Variants in SIM1 observed in about 807,000 individuals in gnomAD.
SIM1 encodes the protein SIM bHLH transcription factor 1.
SIM1 carries 18 observed loss-of-function variants against 78.2 expected under a neutral mutation model. The observed-to-expected ratio is 0.23, with a 90% CI of 0.16 to 0.34. The LOEUF (loss-of-function observed/expected upper bound fraction) is 0.34. Ranked by LOEUF, SIM1 falls within the 10% of genes least tolerant of loss-of-function variation. The pLI is 1.00. For missense variants in SIM1, 939 were observed against 975.1 expected (o/e 0.96, Z 0.49); for synonymous variants, 417 against 385.2 (o/e 1.08, Z -0.97).
At chr6:100,420,654 A>G (rs1582289273) in intron 10 of SIM1, 136 bp downstream of exon 10, 1 of 819,746 alleles carries the variant, frequency 1.2e-6, no homozygotes, top group East Asian at 2.7e-5. Context: ...GATAGTTTAG[A>G]GAACCTTCCA....
chr6:100,430,438 A>T (rs889483396), intron 9 of SIM1, among the ~76,000 whole-genome samples: 2 of 152,196 alleles, frequency 1.3e-5, no homozygotes, highest in Middle Eastern at 3.2e-3. Context: ...CTTCTTCCAC[A>T]ATCTAAACCC....
intron 10 of SIM1, 86 bp downstream of exon 10, chr6:100,420,703 AT>A: frequency 7.7e-7 from 1 of 1,297,186 alleles, no homozygotes; most frequent in Non-Finnish European, 1.1e-6. Context: ...TAGATAATTC[AT>A]TCCAAATAGT....
intron 9 of SIM1, among the ~76,000 whole-genome samples, chr6:100,422,033 T>C (rs1284765792): frequency 6.6e-6 from 1 of 152,176 alleles, no homozygotes; most frequent in African/African-American, 2.4e-5. Flanking sequence ...TGATTTATAA[T>C]CACTTCTAGC....
At chr6:100,451,666 G>A in intron 3 of SIM1, among the ~76,000 whole-genome samples, 1 of 152,166 alleles carries the variant, frequency 6.6e-6, no homozygotes, top group East Asian at 1.9e-4. Flanking sequence ...AATATAGAAA[G>A]GGGAGAATCT....
intron 9 of SIM1, among the ~76,000 whole-genome samples, chr6:100,442,895 G>A (rs1225873562): frequency 6.6e-6 from 1 of 152,008 alleles, no homozygotes; most frequent in East Asian, 1.9e-4. Context: ...GCTGCTTTAT[G>A]GCAAGGATAT....
At position 100,447,323 on chromosome 6, in the gene SIM1, G is replaced by A; in HGVS notation, c.943C>T (p.His315Tyr). The change falls in exon 9 of 12, where the codon CAC becomes TAC. Residue 315 changes from histidine to tyrosine, a missense_variant. This residue lies in a region of SIM1 where 66 missense variants were observed against 108.4 expected (regional missense o/e 0.61). Coordinates refer to ENST00000369208, the MANE Select transcript of SIM1 (RefSeq NM_005068.3). ...VWVQSYATIV[H>Y]NSRSSRPHCI... ...TGTGGCCTGGAGGAGCGACTGTTGT[G>A]CACGATGGTCGCGTAGCTCTGCACC... 1.2e-6 allele frequency: 2 copies of A among 1,614,252 alleles called. No individual in the cohort carries two copies. The highest frequency in any genetic ancestry group is 1.7e-6 in the Non-Finnish European group (2 of 1,180,048).
intron 9 of SIM1, among the ~76,000 whole-genome samples, chr6:100,433,740 C>CCACCCACACACA (rs1554222892): frequency 4.0e-5 from 5 of 124,292 alleles, no homozygotes; most frequent in African/African-American, 1.2e-4. Flanking sequence ...ACCCCCCCAC[C>CCACCCACACACA]CACACACACA....
chr6:100,444,080 A>C (rs191135327), intron 9 of SIM1, among the ~76,000 whole-genome samples: 1 of 151,500 alleles, frequency 6.6e-6, no homozygotes, highest in Admixed American at 6.6e-5. Flanking sequence ...TTTTCTTAGA[A>C]ATTGTTTTTC....
intron 10 of SIM1, among the ~76,000 whole-genome samples, chr6:100,410,693 T>C (rs538733303): frequency 6.6e-6 from 1 of 152,290 alleles, no homozygotes; most frequent in East Asian, 1.9e-4. Context: ...AGATTGGATG[T>C]CATACTCTAA....
chr6:100,398,522 C>T (rs1770825326), intron 10 of SIM1, among the ~76,000 whole-genome samples: 1 of 152,126 alleles, frequency 6.6e-6, no homozygotes, highest in Non-Finnish European at 1.5e-5. Context: ...TAAGTAAATT[C>T]ATAGAGTATT....
chr6:100,445,510 G>T (rs1772330456), intron 9 of SIM1, among the ~76,000 whole-genome samples: 1 of 152,178 alleles, frequency 6.6e-6, no homozygotes, highest in Non-Finnish European at 1.5e-5. Flanking sequence ...TTCTGAAGGA[G>T]TATGTAAAGT....
rs925771690 is a variant in SIM1, at chr6:100,434,143, A to G, written c.998+13125T>C. On this transcript the variant is annotated intron_variant, in intron 9 of 11. Coordinates refer to ENST00000369208, the MANE Select transcript of SIM1 (RefSeq NM_005068.3). Reference sequence around the variant, plus strand: ...CTGGTTTTCAATTAGCCTTCACAATAAAATGCTATCCTGCACGTTGCTATT... The same window carrying G: ...CTGGTTTTCAATTAGCCTTCACAATGAAATGCTATCCTGCACGTTGCTATT... Among the ~76,000 whole-genome samples the G allele has an allele frequency of 2.6e-5, 4 of 152,334 alleles. No homozygotes were observed. The East Asian group carries it at 7.7e-4, about 29-fold the overall frequency.
chr6:100,398,972 T>C (rs1373510428), intron 10 of SIM1, among the ~76,000 whole-genome samples: 1 of 151,588 alleles, frequency 6.6e-6, no homozygotes, highest in African/African-American at 2.4e-5. Flanking sequence ...TGTGTAGTAG[T>C]AGTAGTAGTA....
At position 100,387,765 on chromosome 6, in the gene SIM1, T is replaced by C. The variant is rs573539110; in HGVS notation, c.*2596A>G. 8.5e-5 allele frequency: 13 copies of C among 152,258 alleles called. No homozygotes were observed. The highest frequency in any genetic ancestry group is 3.3e-4 in the Admixed American group (5 of 15,290). The allele number at this position is 152,258 out of a possible 1,614,324, so 9.4% of individuals were successfully genotyped here. ...TATTCCTTCTGATTACTCTCATCTG[T>C]GAAATTCATAATTTCTTCTTCTCAC... is the stretch of plus-strand genomic sequence containing the variant. On this transcript the variant is annotated 3_prime_UTR_variant, in exon 12 of 12. Coordinates refer to ENST00000369208, the MANE Select transcript of SIM1 (RefSeq NM_005068.3).
intron 9 of SIM1, among the ~76,000 whole-genome samples, chr6:100,434,761 C>T (rs1582304586): frequency 6.6e-6 from 1 of 152,186 alleles, no homozygotes; most frequent in East Asian, 1.9e-4. Context: ...AGAATCCCAC[C>T]TTAATGGGTA....
chr6:100,449,508 C>T (rs182565360), intron 5 of SIM1, 60 bp from the exon 6 acceptor site: 18,961 of 1,577,288 alleles, frequency 0.012, 129 homozygotes, highest in Non-Finnish European at 0.014. Flanking sequence ...TGGGACAGCA[C>T]GCGTCTCTGC....
At position 100,449,689 on chromosome 6, in the gene SIM1, G is replaced by T; in HGVS notation, c.359C>A (p.Thr120Asn). Residue 120 changes from threonine (T) to asparagine (N), a missense_variant, in exon 5 of 12, where the codon ACC becomes AAC. By Grantham distance (65) the Thr-to-Asn change is moderately conservative. Coordinates refer to ENST00000369208, the MANE Select transcript of SIM1 (RefSeq NM_005068.3). ...VHLGLSQVELTGNSIYEYIHP... is the reference protein window; with the variant it reads ...VHLGLSQVELNGNSIYEYIHP... ...AATGTATTCATAAATGCTGTTTCCGGTCAGCTCTACCTGTAAAGAGGAGGA... is the reference window on the plus strand; with the variant it reads ...AATGTATTCATAAATGCTGTTTCCGTTCAGCTCTACCTGTAAAGAGGAGGA... 1 of 1,613,666 alleles carries T rather than the reference G, an allele frequency of 6.2e-7. No individual in the cohort carries two copies.
At chr6:100,402,594 T>TTTC (rs1770947062) in intron 10 of SIM1, among the ~76,000 whole-genome samples, 1 of 129,146 alleles carries the variant, frequency 7.7e-6, no homozygotes, top group East Asian at 3.4e-4. Context: ...TTTTTTTTTT[T>TTTC]TGAGACGGAG....
At chr6:100,432,199 A>T (rs1156781207) in intron 9 of SIM1, among the ~76,000 whole-genome samples, 2 of 152,164 alleles carry the variant, frequency 1.3e-5, no homozygotes, top group Non-Finnish European at 2.9e-5. Flanking sequence ...TCATTTATTG[A>T]TTCAGTTTAT....
Sources: allele counts gnomAD v4.1 joint callset (sites outside exome capture counted in the v4.1 genomes callset), GRCh38; gene constraint gnomAD v4.1.1; regional missense constraint gnomAD v4.1.1; transcripts MANE v1.5; gene names NCBI Gene and HGNC (gene_info 2026-07-23, HGNC 2026-07-21).